The following ANKRD30B variants were observed in gnomAD, a reference collection of about 807,000 sequenced individuals.
The protein encoded by ANKRD30B is ankyrin repeat domain-containing protein 30B.
A neutral mutation model predicts 202.2 loss-of-function variants in ANKRD30B; 144 were observed. The ratio of observed to expected loss-of-function variants is 0.71; its 90% CI spans 0.62 to 0.82. The LOEUF (loss-of-function observed/expected upper bound fraction) is 0.82, where lower values mean the gene tolerates loss of function less well. ANKRD30B is among the 40% of genes least tolerant of loss of function. The probability of loss-of-function intolerance (pLI) is 0.00; values close to 1 mark genes in which losing one functional copy is unlikely to be tolerated. For synonymous variants in ANKRD30B, 508 were observed against 561.3 expected (o/e 0.91, Z 1.34); for missense variants, 1,487 against 1,669.1 (o/e 0.89, Z 1.90).
chr18:14,923,778 G>T, the ANKRD30B span, among the ~76,000 whole-genome samples: 14 of 152,350 alleles, frequency 9.2e-5, 1 homozygote, highest in East Asian at 2.7e-3. Flanking sequence ...AACAGGCAGA[G>T]AATCTTGTTC....
intron 3 of ANKRD30B, among the ~76,000 whole-genome samples, chr18:14,754,427 C>A (rs1913996094): frequency 1.3e-5 from 2 of 152,182 alleles, no homozygotes; most frequent in South Asian, 4.1e-4. Flanking sequence ...TATAATATTT[C>A]TTGAACATAG....
chr18:14,859,194 C>T (rs1310137701), downstream of ANKRD30B, among the ~76,000 whole-genome samples: 3 of 93,506 alleles, frequency 3.2e-5, no homozygotes, highest in African/African-American at 5.0e-5. Flanking sequence ...CAGAGGCGCT[C>T]CTCACCTCCC....
chr18:14,799,223 C>T lies in ANKRD30B; in HGVS notation c.2059C>T (p.Pro687Ser). The T allele has an allele frequency of 4.4e-6, 7 of 1,576,288 alleles. No individual in the cohort carries two copies. The highest frequency in any genetic ancestry group is 6.0e-6 in the Non-Finnish European group (7 of 1,163,172). ...TTTTTGTGTTTCCAAACCCATTTAG[C>T]CTACCTGTGGAAGGAAAGTTTCTCT... is the stretch of plus-strand genomic sequence containing the variant. ...ESPDNDGLLK[P>S]TCGRKVSLPN... Residue 687 changes from proline to serine, a missense_variant and splice_region_variant, in exon 22 of 44, where the codon CCT (proline) becomes TCT (serine). Around this residue, in one of 6 missense-constraint regions of ANKRD30B, gnomAD observed 889 missense variants for 841.4 expected, o/e 1.06. Transcript: ENST00000690538.
At chr18:14,899,650 A>C in the ANKRD30B span, among the ~76,000 whole-genome samples, 2 of 152,182 alleles carry the variant, frequency 1.3e-5, no homozygotes, top group Non-Finnish European at 2.9e-5. Flanking sequence ...TTATTTAACA[A>C]GTATTTATTG....
chr18:14,925,724 G>T, the ANKRD30B span, among the ~76,000 whole-genome samples: 4 of 152,154 alleles, frequency 2.6e-5, no homozygotes, highest in Non-Finnish European at 5.9e-5. Context: ...CTGGAGGCTG[G>T]GGCTCCCAGG....
the ANKRD30B span, among the ~76,000 whole-genome samples, chr18:14,877,175 A>C: frequency 3.9e-5 from 6 of 152,270 alleles, no homozygotes; most frequent in Non-Finnish European, 5.9e-5. Context: ...ATTGAGTAGA[A>C]GTTGGAATCT....
intron 7 of ANKRD30B, 78 bp downstream of exon 7, chr18:14,764,168 G>T (rs1421854068): frequency 7.2e-7 from 1 of 1,385,704 alleles, no homozygotes; most frequent in African/African-American, 1.5e-5. Flanking sequence ...TATGGGAGTT[G>T]TTGGGAATGT....
At chr18:14,927,001 T>C in the ANKRD30B span, among the ~76,000 whole-genome samples, 2 of 152,130 alleles carry the variant, frequency 1.3e-5, no homozygotes, top group African/African-American at 4.8e-5. Flanking sequence ...ATACAAGTAA[T>C]TGGTAGTAGT....
chr18:14,750,685 C>T (rs1567973788), intron 1 of ANKRD30B, among the ~76,000 whole-genome samples: 1 of 152,014 alleles, frequency 6.6e-6, no homozygotes, highest in Non-Finnish European at 1.5e-5. Flanking sequence ...CATTTAATGG[C>T]TTTTATAAAT....
At chr18:14,837,078 GACAGAT>G in intron 34 of ANKRD30B, 127 bp from the exon 35 acceptor site, 1 of 591,750 alleles carries the variant, frequency 1.7e-6, no homozygotes, top group Admixed American at 3.1e-5. Flanking sequence ...CCTATGATTT[GACAGAT>G]ACAAAGTATG....
chr18:14,810,735 T>A (rs961096097), intron 28 of ANKRD30B, among the ~76,000 whole-genome samples: 1 of 151,196 alleles, frequency 6.6e-6, no homozygotes, highest in Non-Finnish European at 1.5e-5. Context: ...GGCCTTGGTG[T>A]CTTTTTATGC....
At position 14,782,553 on chromosome 18, in the gene ANKRD30B, T is replaced by G. The variant is rs769044447; in HGVS notation, c.1509T>G (p.Thr503=). Reference sequence around the variant, plus strand: ...GTCTCTTTGAGAGTTCTGCAAAGACTCAAGTGTGTATACCTGAGTCTATGT... The same window carrying G: ...GTCTCTTTGAGAGTTCTGCAAAGACGCAAGTGTGTATACCTGAGTCTATGT... The part of the protein sequence containing the change: ...SGSLFESSAK[T]QVCIPESMYQ... The change falls in exon 12 of 44, where the codon ACT becomes ACG. Residue 503 remains threonine, a synonymous_variant. Transcript: ENST00000690538. 1.3e-6 allele frequency: 2 copies of G among 1,591,674 alleles called. No homozygotes were observed. The highest frequency in any genetic ancestry group is 1.7e-6 in the Non-Finnish European group (2 of 1,172,602).
intron 32 of ANKRD30B, among the ~76,000 whole-genome samples, chr18:14,827,478 A>G (rs929323206): frequency 1.3e-4 from 20 of 152,296 alleles, no homozygotes; most frequent in African/African-American, 4.3e-4. Context: ...GACTATTTCT[A>G]GATAGACAGG....
At chr18:14,800,307 TC>T (rs992962036) in intron 22 of ANKRD30B, among the ~76,000 whole-genome samples, 1 of 150,358 alleles carries the variant, frequency 6.7e-6, no homozygotes, top group African/African-American at 2.5e-5. Flanking sequence ...TCTTAAATTT[TC>T]TTTTTTTTTT....
At chr18:14,896,097 G>A in the ANKRD30B span, among the ~76,000 whole-genome samples, 2 of 152,026 alleles carry the variant, frequency 1.3e-5, no homozygotes, top group Admixed American at 1.3e-4. Context: ...GAACTGTGGG[G>A]GGAAATGGAG....
the ANKRD30B span, among the ~76,000 whole-genome samples, chr18:14,922,627 C>T: frequency 2.5e-3 from 376 of 148,526 alleles, 3 homozygotes; most frequent in African/African-American, 8.6e-3. Context: ...CGCACTCCAG[C>T]CTGGGTGACA....
chr18:14,928,495 A>G, the ANKRD30B span, among the ~76,000 whole-genome samples: 11 of 152,080 alleles, frequency 7.2e-5, no homozygotes, highest in Admixed American at 2.0e-4. Context: ...AGGAGAACAC[A>G]TTTTCTCTGT....
rs572893137 is a variant in ANKRD30B at position 14,821,938 on chromosome 18, A to G, written c.2642-545A>G. ...TAGATATTTATGCTGTTGAATTTAG[A>G]ACATTCTCTGCAATGATAAGTAAAT... On this transcript the variant is annotated intron_variant, in intron 30 of 43. Coordinates refer to ENST00000690538, the MANE Select transcript of ANKRD30B (RefSeq NM_001367607.2). Among the ~76,000 whole-genome samples the G allele has an allele frequency of 2.6e-5, 4 of 152,346 alleles. No individual in the cohort carries two copies. The South Asian group carries it at 8.3e-4, about 32-fold the overall frequency.
At chr18:14,843,679 A>G (rs1335509239) in intron 39 of ANKRD30B, among the ~76,000 whole-genome samples, 3 of 151,994 alleles carry the variant, frequency 2.0e-5, no homozygotes, top group Non-Finnish European at 4.4e-5. Context: ...AGTAAGTCCC[A>G]GCTACTCGGG....
Sources: allele counts gnomAD v4.1 joint callset (sites outside exome capture counted in the v4.1 genomes callset), GRCh38; gene constraint gnomAD v4.1.1; regional missense constraint gnomAD v4.1.1; transcripts MANE v1.5; gene names NCBI Gene and HGNC (gene_info 2026-07-23, HGNC 2026-07-21).